Variants in IMMP2L observed in about 807,000 individuals in gnomAD.
The protein encoded by IMMP2L is inner mitochondrial membrane peptidase subunit 2, also known as mitochondrial inner membrane protease subunit 2.
IMMP2L carries 18 observed loss-of-function variants against 19.3 expected under a neutral mutation model. That is an observed-to-expected ratio of 0.93 (90% CI 0.64 to 1.38). The LOEUF is 1.38. IMMP2L is among the 40% of genes most tolerant of loss of function. The probability of loss-of-function intolerance (pLI) is 0.00; values close to 1 mark genes in which losing one functional copy is unlikely to be tolerated. For missense variants in IMMP2L, 233 were observed against 218.2 expected, an observed-to-expected ratio of 1.07 and a Z score of -0.43; for synonymous variants, 76 against 73.0, an observed-to-expected ratio of 1.04 and a Z score of -0.21.
At chr7:111,469,395 T>A (rs1840997483) in intron 3 of IMMP2L, among the ~76,000 whole-genome samples, 1 of 152,124 alleles carries the variant, frequency 6.6e-6, no homozygotes, top group Non-Finnish European at 1.5e-5. Flanking sequence ...GAGCATGGAA[T>A]GTTCTTCCAT....
chr7:110,861,835 A>G (rs1807460083), intron 5 of IMMP2L, among the ~76,000 whole-genome samples: 2 of 152,124 alleles, frequency 1.3e-5, no homozygotes, highest in African/African-American at 4.8e-5. Context: ...ATAATTCAGA[A>G]GATATGAAAC....
intron 3 of IMMP2L, among the ~76,000 whole-genome samples, chr7:111,335,640 T>A (rs1003440052): frequency 6.6e-6 from 1 of 152,034 alleles, no homozygotes; most frequent in Non-Finnish European, 1.5e-5. Flanking sequence ...GTAAGAAAAT[T>A]ACTAAAAAGA....
chr7:110,749,847 G>A (rs1797615360), intron 5 of IMMP2L, among the ~76,000 whole-genome samples: 1 of 152,042 alleles, frequency 6.6e-6, no homozygotes, highest in Admixed American at 6.6e-5. Flanking sequence ...GTATACCTAT[G>A]TAACAAACCT....
chr7:111,400,842 T>C (rs1442105021), intron 3 of IMMP2L, among the ~76,000 whole-genome samples: 1 of 152,074 alleles, frequency 6.6e-6, no homozygotes, highest in African/African-American at 2.4e-5. Context: ...TTAGTATTAT[T>C]TTATAATTTT....
At chr7:111,395,294 CCT>C (rs1414099036) in intron 3 of IMMP2L, among the ~76,000 whole-genome samples, 2 of 152,126 alleles carry the variant, frequency 1.3e-5, no homozygotes, top group Non-Finnish European at 2.9e-5. Context: ...ACTCTTCTAC[CCT>C]CTGCCATTTT....
At chr7:111,100,238 G>C (rs1051034719) in intron 3 of IMMP2L, among the ~76,000 whole-genome samples, 6 of 151,446 alleles carry the variant, frequency 4.0e-5, no homozygotes, top group Non-Finnish European at 8.9e-5. Context: ...CACCCAAGCA[G>C]TGTACACTGT....
intron 3 of IMMP2L, among the ~76,000 whole-genome samples, chr7:111,290,996 G>C (rs1284542727): frequency 6.6e-6 from 1 of 152,018 alleles, no homozygotes; most frequent in African/African-American, 2.4e-5. Flanking sequence ...ATATTTGTGG[G>C]AGGAAAGAAG....
At chr7:110,866,656 C>T (rs7780566) in intron 5 of IMMP2L, among the ~76,000 whole-genome samples, 6,690 of 152,116 alleles carry the variant, frequency 0.044, 477 homozygotes, top group African/African-American at 0.15. Context: ...GGAAAAATAA[C>T]AGTAAAGTTC....
chr7:110,663,222 T>C lies in IMMP2L; in HGVS notation c.*380A>G, dbSNP rs1791200231. ...TGACAAATACATCATTTTTATTGAA[T>C]ATTAATTTTCAATTTATTTCAGCAG... is the stretch of plus-strand genomic sequence containing the variant. On this transcript the variant is annotated 3_prime_UTR_variant, in exon 6 of 6. Coordinates refer to ENST00000405709, the MANE Select transcript of IMMP2L (RefSeq NM_032549.4). 1 of 197,164 alleles carries C rather than the reference T, an allele frequency of 5.1e-6. No homozygotes were observed. The highest frequency in any genetic ancestry group is 5.4e-5 in the Admixed American group (1 of 18,450). 12.2% of individuals were successfully genotyped at this position (197,164 alleles called of 1,614,324 possible). A position where few individuals can be genotyped will look rare whatever the true frequency, so the allele number is the denominator to read the frequency against.
chr7:110,963,279 T>C (rs1037161913), intron 4 of IMMP2L, among the ~76,000 whole-genome samples: 1 of 152,008 alleles, frequency 6.6e-6, no homozygotes, highest in Non-Finnish European at 1.5e-5. Flanking sequence ...TTAATATTTA[T>C]CCTATACTTC....
intron 3 of IMMP2L, among the ~76,000 whole-genome samples, chr7:111,376,701 A>G (rs1045757487): frequency 6.6e-5 from 10 of 152,162 alleles, no homozygotes; most frequent in African/African-American, 2.4e-4. Context: ...CCATACAGTG[A>G]ATATTATTAA....
intron 4 of IMMP2L, among the ~76,000 whole-genome samples, chr7:110,938,552 G>A (rs1160255281): frequency 6.6e-6 from 1 of 152,066 alleles, no homozygotes; most frequent in East Asian, 1.9e-4. Flanking sequence ...ATTCATCTAT[G>A]TATGCCACTA....
chr7:111,014,683 G>A (rs1825326577), intron 3 of IMMP2L, among the ~76,000 whole-genome samples: 1 of 151,876 alleles, frequency 6.6e-6, no homozygotes, highest in Non-Finnish European at 1.5e-5. Context: ...TTGATGAGGG[G>A]CTAATATAAA....
At chr7:111,354,754 A>G (rs756043626) in intron 3 of IMMP2L, among the ~76,000 whole-genome samples, 6 of 151,672 alleles carry the variant, frequency 4.0e-5, no homozygotes, top group Non-Finnish European at 7.4e-5. Flanking sequence ...GACTTATTGG[A>G]AAGAATATTT....
At chr7:111,044,007 A>T (rs1792141142) in intron 3 of IMMP2L, among the ~76,000 whole-genome samples, 1 of 152,226 alleles carries the variant, frequency 6.6e-6, no homozygotes, top group South Asian at 2.1e-4. Flanking sequence ...TGAGGCATTC[A>T]CCAAGTTAAT....
chr7:111,322,941 A>C (rs1438023806), intron 3 of IMMP2L, among the ~76,000 whole-genome samples: 1 of 151,842 alleles, frequency 6.6e-6, no homozygotes, highest in Non-Finnish European at 1.5e-5. Context: ...TTTTTTTTAC[A>C]AAAGTAAATA....
chr7:110,706,849 A>C (rs1794722485), intron 5 of IMMP2L, among the ~76,000 whole-genome samples: 1 of 151,844 alleles, frequency 6.6e-6, no homozygotes, highest in Non-Finnish European at 1.5e-5. Flanking sequence ...CCTTAGTTTA[A>C]TTAGGTCCCA....
intron 3 of IMMP2L, among the ~76,000 whole-genome samples, chr7:111,254,824 C>G (rs970956748): frequency 2.0e-5 from 3 of 152,034 alleles, no homozygotes; most frequent in African/African-American, 7.2e-5. Flanking sequence ...GAAAACAAAG[C>G]CACATATAAC....
At chr7:111,347,608 G>C (rs1267506697) in intron 3 of IMMP2L, among the ~76,000 whole-genome samples, 2 of 152,000 alleles carry the variant, frequency 1.3e-5, no homozygotes, top group Non-Finnish European at 2.9e-5. Flanking sequence ...AAGAGGGAAG[G>C]ATGGCTACAG....
Sources: allele counts gnomAD v4.1 joint callset (sites outside exome capture counted in the v4.1 genomes callset), GRCh38; gene constraint gnomAD v4.1.1; transcripts MANE v1.5; gene names NCBI Gene and HGNC (gene_info 2026-07-23, HGNC 2026-07-21).